The following CPA6 variants were observed in gnomAD, a reference collection of about 807,000 sequenced individuals.
CPA6 encodes carboxypeptidase B.
A neutral mutation model predicts 63.3 loss-of-function variants in CPA6; 58 were observed. The ratio of observed to expected loss-of-function variants is 0.92; its 90% CI spans 0.74 to 1.14. The LOEUF is 1.14. Among genes scored for constraint, CPA6 ranks in the 50% most tolerant of loss-of-function variants. CPA6 has a pLI of 0.00. For synonymous variants in CPA6, 185 were observed against 179.0 expected, an observed-to-expected ratio of 1.03 and a Z score of -0.27; for missense variants, 565 against 526.6, an observed-to-expected ratio of 1.07 and a Z score of -0.71.
At chr8:67,442,672 G>A (rs777531451) in intron 8 of CPA6, among the ~76,000 whole-genome samples, 43 of 152,132 alleles carry the variant, frequency 2.8e-4, no homozygotes, top group South Asian at 1.0e-3. Flanking sequence ...TATTTATGAC[G>A]CAAAGGAGCT....
chr8:67,584,176 C>CA lies in CPA6; in HGVS notation c.192+39999dup, dbSNP rs61511990. Among the ~76,000 whole-genome samples, 374 of 152,026 alleles carry CA rather than the reference C, an allele frequency of 2.5e-3. 1 individual carries two copies. Among genetic ancestry groups the CA allele is most frequent in the African/African-American group, 8.8e-3 (365 of 41,502 alleles). The stretch of plus-strand genomic sequence containing the variant: ...CCGTCTCAAAACAAAAAGAAAAAAA[C>CA]AAACAAAAAAAGTGCTCAGGGGTTG... On this transcript the variant is annotated intron_variant, in intron 2 of 10. Transcript: ENST00000297770.
chr8:67,541,463 C>T (rs1812702455), intron 2 of CPA6, among the ~76,000 whole-genome samples: 1 of 152,032 alleles, frequency 6.6e-6, no homozygotes, highest in African/African-American at 2.4e-5. Context: ...TGTGAAGATC[C>T]CTGTCCTGTT....
At chr8:67,551,614 T>C (rs1232049025) in intron 2 of CPA6, among the ~76,000 whole-genome samples, 1 of 152,236 alleles carries the variant, frequency 6.6e-6, no homozygotes, top group African/African-American at 2.4e-5. Flanking sequence ...CTTTTGGCAG[T>C]GTGGCTGTTT....
intron 2 of CPA6, among the ~76,000 whole-genome samples, chr8:67,541,894 CT>C (rs1158189254): frequency 6.6e-6 from 1 of 152,230 alleles, no homozygotes; most frequent in African/African-American, 2.4e-5. Context: ...AATCACCTGC[CT>C]TCTGCATTGG....
At position 67,627,253 on chromosome 8, in the gene CPA6, T is replaced by G. The variant is rs367840315; in HGVS notation, c.117-3002A>C. On this transcript the variant is annotated intron_variant, in intron 1 of 10. Transcript: ENST00000297770. ...CCACATGACCCCCAAATGCCCTGTT[T>G]GTTTCACCAAACAAAAAGCTTACTC... Among the ~76,000 whole-genome samples the G allele has an allele frequency of 6.6e-5, 10 of 152,292 alleles. 1 individual carries two copies. Among genetic ancestry groups the G allele is most frequent in the Admixed American group, 2.6e-4 (4 of 15,300 alleles).
At chr8:67,478,999 C>T (rs1304938918) in intron 8 of CPA6, among the ~76,000 whole-genome samples, 5 of 152,102 alleles carry the variant, frequency 3.3e-5, no homozygotes, top group East Asian at 1.9e-4. Flanking sequence ...CTAGCCTGGG[C>T]GACAGAGCAA....
At position 67,552,602 on chromosome 8, in the gene CPA6, C is replaced by T. The variant is rs112680026; in HGVS notation, c.193-34555G>A. Among the ~76,000 whole-genome samples, 1,510 of 151,440 alleles carry T rather than the reference C, an allele frequency of 1.0e-2. 23 individuals carry two copies. Among genetic ancestry groups the T allele is most frequent in the African/African-American group, 0.034 (1,392 of 41,342 alleles). On this transcript the variant is annotated intron_variant, in intron 2 of 10. Transcript: ENST00000297770. ...TCCTGGCTAACACAGTGAAACCCCGCCTCTACTAAAAATACAAAAAATTAG... is the reference window on the plus strand; with the variant it reads ...TCCTGGCTAACACAGTGAAACCCCGTCTCTACTAAAAATACAAAAAATTAG...
chr8:67,511,076 T>C (rs1371336098), intron 4 of CPA6, among the ~76,000 whole-genome samples: 2 of 144,150 alleles, frequency 1.4e-5, no homozygotes, highest in African/African-American at 5.1e-5. Context: ...GTTCTCCAGG[T>C]AGGATAAAAA....
At chr8:67,459,469 T>C (rs542292467) in intron 8 of CPA6, among the ~76,000 whole-genome samples, 7 of 152,262 alleles carry the variant, frequency 4.6e-5, no homozygotes, top group Non-Finnish European at 1.0e-4. Flanking sequence ...TAAAGAGACA[T>C]GGAGGAAATG....
At chr8:67,610,997 G>T (rs766639074) in intron 2 of CPA6, among the ~76,000 whole-genome samples, 9 of 151,530 alleles carry the variant, frequency 5.9e-5, no homozygotes, top group Non-Finnish European at 1.3e-4. Context: ...GTATATAATT[G>T]TTATTATAAG....
At chr8:67,629,099 G>C (rs1389300133) in intron 1 of CPA6, among the ~76,000 whole-genome samples, 1 of 151,934 alleles carries the variant, frequency 6.6e-6, no homozygotes, top group Non-Finnish European at 1.5e-5. Context: ...TGATGACAGA[G>C]TGAGACTCCA....
chr8:67,621,621 A>T (rs1398878699), intron 2 of CPA6, among the ~76,000 whole-genome samples: 4 of 152,234 alleles, frequency 2.6e-5, no homozygotes, highest in Non-Finnish European at 4.4e-5. Context: ...GACTTACTTC[A>T]TAAGATTGTT....
Position 67,422,390 on chromosome 8 carries a change from C to G in CPA6, c.*114G>C. On this transcript the variant is annotated 3_prime_UTR_variant, in exon 11 of 11. Coordinates refer to ENST00000297770, the MANE Select transcript of CPA6 (RefSeq NM_020361.5). Reference sequence around the variant, plus strand: ...AAATTGCGTGGGGTCTTTTTAAAGTCCATAGACATGTTCACTCTAAGCAGC... The same window carrying G: ...AAATTGCGTGGGGTCTTTTTAAAGTGCATAGACATGTTCACTCTAAGCAGC... 1 of 870,040 alleles carries G rather than the reference C, an allele frequency of 1.1e-6. No individual in the cohort carries two copies. Among genetic ancestry groups the G allele is most frequent in the Non-Finnish European group, 1.8e-6 (1 of 562,152 alleles). The allele number at this position is 870,040 out of a possible 1,614,324, so 53.9% of individuals were successfully genotyped here.
At chr8:67,488,582 C>A (rs963641141) in intron 6 of CPA6, among the ~76,000 whole-genome samples, 2 of 152,122 alleles carry the variant, frequency 1.3e-5, no homozygotes, top group Non-Finnish European at 2.9e-5. Flanking sequence ...TTTTCCAATT[C>A]TGTGAAGAAA....
intron 2 of CPA6, among the ~76,000 whole-genome samples, chr8:67,598,095 C>T (rs568396904): frequency 3.3e-5 from 5 of 152,308 alleles, no homozygotes; most frequent in Non-Finnish European, 7.4e-5. Flanking sequence ...AATCTTTTAG[C>T]ATCCCAACCC....
At chr8:67,745,943 C>A in intron 1 of CPA6, 71 bp downstream of exon 1, 2 of 1,081,918 alleles carry the variant, frequency 1.8e-6, no homozygotes, top group Non-Finnish European at 1.3e-6. Context: ...AAAAGTGAGG[C>A]ACACTCTGGA....
intron 1 of CPA6, among the ~76,000 whole-genome samples, chr8:67,653,957 G>T (rs1815915216): frequency 6.6e-6 from 1 of 151,494 alleles, no homozygotes; most frequent in Non-Finnish European, 1.5e-5. Context: ...ATGAAGCGTT[G>T]TTGAATTTTG....
intron 2 of CPA6, among the ~76,000 whole-genome samples, chr8:67,553,422 A>G (rs1337141439): frequency 1.3e-5 from 2 of 152,206 alleles, no homozygotes; most frequent in Admixed American, 6.5e-5. Context: ...TAATGATATT[A>G]TAAGTTCTCA....
chr8:67,575,143 A>G (rs998040303), intron 2 of CPA6, among the ~76,000 whole-genome samples: 3 of 152,248 alleles, frequency 2.0e-5, no homozygotes, highest in Non-Finnish European at 4.4e-5. Flanking sequence ...AATGCTTGAC[A>G]TTATTAATCA....
Sources: allele counts gnomAD v4.1 joint callset (sites outside exome capture counted in the v4.1 genomes callset), GRCh38; gene constraint gnomAD v4.1.1; transcripts MANE v1.5; gene names NCBI Gene and HGNC (gene_info 2026-07-23, HGNC 2026-07-21).